Variants in HIVEP1 observed in about 807,000 individuals in gnomAD.
The protein encoded by HIVEP1 is zinc finger protein 40.
Under a neutral mutation model 180.0 loss-of-function variants are expected in HIVEP1, and 36 were observed. That is an observed-to-expected ratio of 0.20 (90% confidence interval 0.15 to 0.26). The LOEUF is 0.26. Among genes scored for constraint, HIVEP1 ranks in the 10% least tolerant of loss-of-function variants. The probability of loss-of-function intolerance (pLI) is 1.00; values close to 1 mark genes in which losing one functional copy is unlikely to be tolerated. For synonymous variants in HIVEP1, 1,239 were observed against 1,239.0 expected, an observed-to-expected ratio of 1.00 and a Z score of 0.00; for missense variants, 3,143 against 3,268.7, an observed-to-expected ratio of 0.96 and a Z score of 0.94.
At position 12,161,642 on chromosome 6, in the gene HIVEP1, G is replaced by A. The variant is rs938006567; in HGVS notation, c.6691G>A (p.Asp2231Asn). Residue 2231 changes from aspartate to asparagine, a missense_variant, in exon 8 of 9, where the codon GAT (aspartate) becomes AAT (asparagine). By Grantham distance (23) the Asp-to-Asn change is conservative. This residue lies in a region of HIVEP1 where 595 missense variants were observed against 602.2 expected (regional missense o/e 0.99). Transcript: ENST00000379388. ...TCAGGACCCTGTGAGTACTGACGAG[G>A]ATGTCAGGATCACCGATTGCTTTTC... The part of the protein sequence containing the change: ...SLQDPVSTDE[D>N]VRITDCFSGV... The A allele has an allele frequency of 1.2e-6, 2 of 1,613,980 alleles. No homozygotes were observed. Among genetic ancestry groups the A allele is most frequent in the African/African-American group, 2.7e-5 (2 of 74,916 alleles).
rs1016727491 is a variant in HIVEP1, at chr6:12,106,023, T to G, written c.95-13867T>G. 5.2e-4 allele frequency among the ~76,000 whole-genome samples: 78 copies of G among 151,368 alleles called. 2 individuals are homozygous for G. Among genetic ancestry groups the G allele is most frequent in the Non-Finnish European group, 1.5e-5 (1 of 67,874 alleles). ...ATATATACACATATATACATATATATACACACACATATATACATATATATA... is the reference window on the plus strand; with the variant it reads ...ATATATACACATATATACATATATAGACACACACATATATACATATATATA... On this transcript the variant is annotated intron_variant, in intron 3 of 8. Coordinates refer to ENST00000379388, the MANE Select transcript of HIVEP1 (RefSeq NM_002114.4).
Position 12,121,406 on chromosome 6 carries a change from T to A in HIVEP1, c.1611T>A (p.Ser537Arg), listed in dbSNP as rs1228244591. ...TAAAATCAAGCTTCACTCCAAGCAG[T>A]CCAGAAAATGTGATAGGTGACTTTT... ...TLLKSSFTPSSPENVIGDFLL... is the reference protein window; with the variant it reads ...TLLKSSFTPSRPENVIGDFLL... The change falls in exon 4 of 9, where the codon AGT becomes AGA. Residue 537 changes from serine to arginine, a missense_variant. Physicochemically the swap from Ser to Arg is moderately radical, Grantham distance 110 (BLOSUM62 -1). Around this residue, in one of 12 missense-constraint regions of HIVEP1, gnomAD observed 365 missense variants for 344.4 expected, o/e 1.06. Coordinates refer to ENST00000379388, the MANE Select transcript of HIVEP1 (RefSeq NM_002114.4). The surrounding 1 kb of genome is among the most constrained non-coding windows in gnomAD (Gnocchi z 5.3). 2 of 1,614,090 alleles carry A rather than the reference T, an allele frequency of 1.2e-6. No homozygotes were observed. Among genetic ancestry groups the A allele is most frequent in the East Asian group, 4.5e-5 (2 of 44,852 alleles).
At chr6:12,168,332 TAATTA>T (rs1760809636), downstream of HIVEP1, among the ~76,000 whole-genome samples, 2 of 32,982 alleles carry the variant, frequency 6.1e-5, no homozygotes. Context: ...ATATATTATA[TAATTA>T]TATATACATG....
intron 2 of HIVEP1, among the ~76,000 whole-genome samples, chr6:12,062,793 G>A (rs1212382794): frequency 6.6e-6 from 1 of 152,198 alleles, no homozygotes; most frequent in East Asian, 1.9e-4. Flanking sequence ...TTTGAACTGA[G>A]AGAAGTTTCT....
At chr6:12,211,668 G>A in the HIVEP1 span, among the ~76,000 whole-genome samples, 2 of 151,776 alleles carry the variant, frequency 1.3e-5, no homozygotes, top group African/African-American at 4.8e-5. Flanking sequence ...ATGTAATGCA[G>A]GAAAGAGCAA....
At position 12,124,354 on chromosome 6, in the gene HIVEP1, C is replaced by T; in HGVS notation, c.4559C>T (p.Ala1520Val). 1.2e-6 allele frequency: 2 copies of T among 1,613,732 alleles called. No individual in the cohort carries two copies. ...CDINLLNQIH[A>V]PPSHQSTQLS... ...ATCAATTTGTTAAATCAAATCCATG[C>T]ACCGCCTAGCCACCAGAGCACACAG... The change falls in exon 4 of 9, where the codon GCA (alanine) becomes GTA (valine). Residue 1520 changes from alanine to valine, a missense_variant. Ala to Val is a moderately conservative substitution (Grantham distance 64, BLOSUM62 0). Transcript: ENST00000379388.
At chr6:12,040,143 T>C (rs1769580402) in intron 2 of HIVEP1, among the ~76,000 whole-genome samples, 1 of 152,200 alleles carries the variant, frequency 6.6e-6, no homozygotes, top group African/African-American at 2.4e-5. Context: ...TATGCCTGCA[T>C]TTTGGAGAGG....
At chr6:12,022,811 C>G (rs1768329187) in intron 2 of HIVEP1, among the ~76,000 whole-genome samples, 1 of 152,224 alleles carries the variant, frequency 6.6e-6, no homozygotes. Context: ...TGATTACTGA[C>G]ATGTCCCATT....
In HIVEP1 at chr6:12,121,792, G is replaced by A. The variant is rs746836276; in HGVS notation, c.1997G>A (p.Arg666Gln). The change falls in exon 4 of 9, where the codon CGA (arginine) becomes CAA (glutamine). Residue 666 changes from arginine (R) to glutamine (Q), a missense_variant. Coordinates refer to ENST00000379388, the MANE Select transcript of HIVEP1 (RefSeq NM_002114.4). The surrounding 1 kb of genome is among the most constrained non-coding windows in gnomAD (Gnocchi z 5.3). Reference sequence around the variant, plus strand: ...CAGCAAGGAAAGCTCCTGAGTCCTCGAAGTTTAGGAAGTACGGATTCTGGT... The same window carrying A: ...CAGCAAGGAAAGCTCCTGAGTCCTCAAAGTTTAGGAAGTACGGATTCTGGT... The part of the protein sequence containing the change: ...QEQQGKLLSP[R>Q]SLGSTDSGYF... 23 of 1,614,146 alleles carry A rather than the reference G, an allele frequency of 1.4e-5. No homozygotes were observed. Among genetic ancestry groups the A allele is most frequent in the South Asian group, 9.9e-5 (9 of 91,078 alleles).
rs767294012 is a variant in HIVEP1 at position 12,125,639 on chromosome 6, A to C, written c.5844A>C (p.Leu1948Phe). The C allele has an allele frequency of 3.5e-5, 57 of 1,614,036 alleles. No individual in the cohort carries two copies. Among genetic ancestry groups the C allele is most frequent in the Non-Finnish European group, 4.7e-5 (56 of 1,179,998 alleles). Residue 1948 changes from leucine (L) to phenylalanine (F), a missense_variant, in exon 4 of 9, where the codon TTA becomes TTC. Physicochemically the swap from Leu to Phe is conservative, Grantham distance 22. Transcript: ENST00000379388. Reference sequence around the variant, plus strand: ...CCAACTTTACATGGTGTTATCTCTTAAGGCAGAAGTCGTTGCATTTGCCTC... The same window carrying C: ...CCAACTTTACATGGTGTTATCTCTTCAGGCAGAAGTCGTTGCATTTGCCTC... The part of the protein sequence containing the change: ...TTTNFTWCYL[L>F]RQKSLHLPQK...
At chr6:12,078,338 G>T (rs1421978884) in intron 2 of HIVEP1, among the ~76,000 whole-genome samples, 1 of 152,092 alleles carries the variant, frequency 6.6e-6, no homozygotes, top group Non-Finnish European at 1.5e-5. Context: ...CTGTTGCTCA[G>T]ATCCTCTGCC....
In HIVEP1 at chr6:12,123,368, T is replaced by G. The variant is rs549068271; in HGVS notation, c.3573T>G (p.Ser1191=). Residue 1191 remains serine, a synonymous_variant, in exon 4 of 9, where the codon TCT becomes TCG. Coordinates refer to ENST00000379388, the MANE Select transcript of HIVEP1 (RefSeq NM_002114.4). ...AAAGTCACCCTTCTCGGGACGGGTC[T>G]CATCCTCACCAGCTTGCACTATCAG... The part of the protein sequence containing the change: ...QEESHPSRDG[S]HPHQLALSDA... 6.2e-7 allele frequency: 1 copy of G among 1,614,184 alleles called. No individual in the cohort carries two copies. The highest frequency in any genetic ancestry group is 2.2e-5 in the East Asian group (1 of 44,874).
rs753126141 is a variant in HIVEP1 at position 12,164,024 on chromosome 6, TC to T, written c.7723del (p.Gln2575LysfsTer14). 6.2e-7 allele frequency: 1 copy of T among 1,613,746 alleles called. No homozygotes were observed. The highest frequency in any genetic ancestry group is 1.3e-5 in the African/African-American group (1 of 74,818). Reference protein sequence around the residue: ...DAQGAPEMPASQSKACETQPK... With the variant: ...DAQGAPEMPAXQSKACETQPK... ...ACAGGGAGCTCCAGAAATGCCAGCT[TC>T]CCAAAGCAAAGCATGCGAGACACAA... On this transcript the variant is annotated frameshift_variant, in exon 9 of 9. Coordinates refer to ENST00000379388, the MANE Select transcript of HIVEP1 (RefSeq NM_002114.4). LOFTEE classifies it low-confidence loss of function (END_TRUNC).
intron 7 of HIVEP1, among the ~76,000 whole-genome samples, chr6:12,151,118 G>C (rs1296113291): frequency 6.6e-6 from 1 of 152,192 alleles, no homozygotes; most frequent in Non-Finnish European, 1.5e-5. Context: ...GAAGTTGTTT[G>C]ACGTAAATGT....
intron 2 of HIVEP1, among the ~76,000 whole-genome samples, chr6:12,082,665 G>T (rs541195466): frequency 1.3e-5 from 2 of 152,224 alleles, no homozygotes; most frequent in African/African-American, 4.8e-5. Flanking sequence ...CAATGAACTT[G>T]CCTCTTTGCC....
At chr6:12,154,864 T>C (rs1392517794) in intron 7 of HIVEP1, among the ~76,000 whole-genome samples, 1 of 146,660 alleles carries the variant, frequency 6.8e-6, no homozygotes, top group Admixed American at 6.9e-5. Flanking sequence ...TCTTTTCTAA[T>C]GTTGGTAATT....
chr6:12,159,831 A>G (rs1206553358), intron 7 of HIVEP1, among the ~76,000 whole-genome samples: 1 of 152,240 alleles, frequency 6.6e-6, no homozygotes, highest in Non-Finnish European at 1.5e-5. Context: ...TTTTTTAATT[A>G]TAAAAGTAGC....
In HIVEP1 at chr6:12,018,215, T is replaced by A. The variant is rs564966750; in HGVS notation, c.40+2547T>A. ...TGCCAAGCCCACGCCAACTGGGAAC[T>A]CTAGCTGGCCTACAAGCGCCACGCG... On this transcript the variant is annotated intron_variant, in intron 2 of 8. Coordinates refer to ENST00000379388, the MANE Select transcript of HIVEP1 (RefSeq NM_002114.4). 2.6e-5 allele frequency among the ~76,000 whole-genome samples: 4 copies of A among 152,340 alleles called. No individual in the cohort carries two copies. The South Asian group carries it at 8.3e-4, about 32-fold the overall frequency.
At chr6:12,173,429 G>A in the HIVEP1 span, among the ~76,000 whole-genome samples, 16 of 152,272 alleles carry the variant, frequency 1.1e-4, no homozygotes, top group East Asian at 2.1e-3. Flanking sequence ...GGGAAAGAAA[G>A]CGATGACAGG....
Sources: allele counts gnomAD v4.1 joint callset (sites outside exome capture counted in the v4.1 genomes callset), GRCh38; gene constraint gnomAD v4.1.1; regional missense constraint gnomAD v4.1.1; non-coding constraint Gnocchi (gnomAD v3.1); transcripts MANE v1.5; gene names NCBI Gene and HGNC (gene_info 2026-07-23, HGNC 2026-07-21).